The following RPRD2 variants were observed in gnomAD, a reference collection of about 807,000 sequenced individuals.
RPRD2 encodes the protein regulation of nuclear pre-mRNA domain containing 2.
In RPRD2, 12 loss-of-function variants were observed where a neutral mutation model predicts 104.4. The ratio of observed to expected loss-of-function variants is 0.11; its 90% confidence interval spans 0.07 to 0.19. The LOEUF (loss-of-function observed/expected upper bound fraction) is 0.19. Among genes scored for constraint, RPRD2 ranks in the 10% least tolerant of loss-of-function variants. RPRD2 has a pLI of 1.00. For missense variants in RPRD2, 1,543 were observed against 1,790.1 expected, an observed-to-expected ratio of 0.86 and a Z score of 2.49; for synonymous variants, 714 against 684.9, an observed-to-expected ratio of 1.04 and a Z score of -0.66.
intron 1 of RPRD2, among the ~76,000 whole-genome samples, chr1:150,393,092 A>G (rs1227421413): frequency 1.3e-5 from 2 of 152,148 alleles, no homozygotes; most frequent in African/African-American, 2.4e-5. Context: ...GAAAAGTTAA[A>G]AGGCAGTTAC....
intron 7 of RPRD2, among the ~76,000 whole-genome samples, chr1:150,451,674 CAAA>C (rs35644538): frequency 7.5e-5 from 8 of 106,892 alleles, no homozygotes; most frequent in Admixed American, 1.0e-4. Context: ...GACTCCGTCT[CAAA>C]AAAAAAAAAA....
chr1:150,455,890 T>C (rs1553897469), intron 7 of RPRD2, among the ~76,000 whole-genome samples: 1 of 152,186 alleles, frequency 6.6e-6, no homozygotes, highest in Non-Finnish European at 1.5e-5. Flanking sequence ...CACTGCTCAC[T>C]GCAGCCCTGA....
At chr1:150,374,955 C>T (rs1261972325) in intron 1 of RPRD2, among the ~76,000 whole-genome samples, 3 of 150,162 alleles carry the variant, frequency 2.0e-5, no homozygotes, top group Non-Finnish European at 4.4e-5. Context: ...AGCAGGAGCT[C>T]TGTTATAATT....
At chr1:150,428,478 AATCT>A (rs1553890987) in intron 2 of RPRD2, among the ~76,000 whole-genome samples, 3 of 144,360 alleles carry the variant, frequency 2.1e-5, no homozygotes, top group Admixed American at 6.9e-5. Context: ...AAAAAAAAAA[AATCT>A]ATCCTCATTC....
intron 2 of RPRD2, among the ~76,000 whole-genome samples, chr1:150,429,089 G>C (rs1665372889): frequency 6.8e-6 from 1 of 147,986 alleles, no homozygotes; most frequent in Non-Finnish European, 1.5e-5. Flanking sequence ...ATTGTGGTCA[G>C]TAGTGGCTTT....
chr1:150,467,885 G>T (rs2102435334), intron 10 of RPRD2, among the ~76,000 whole-genome samples: 1 of 152,194 alleles, frequency 6.6e-6, no homozygotes, highest in African/African-American at 2.4e-5. Flanking sequence ...GAGACTTCAG[G>T]CCCGGTGTGG....
chr1:150,413,376 G>A (rs775758778), intron 1 of RPRD2, among the ~76,000 whole-genome samples: 1 of 152,156 alleles, frequency 6.6e-6, no homozygotes, highest in Non-Finnish European at 1.5e-5. Flanking sequence ...CGAGGCAGGC[G>A]GATCACCTGA....
intron 1 of RPRD2, among the ~76,000 whole-genome samples, chr1:150,384,639 T>TTGTGTGTGTGTGTG (rs71086504): frequency 2.2e-5 from 3 of 133,352 alleles, no homozygotes; most frequent in African/African-American, 8.5e-5. Flanking sequence ...CCTGGCTAAT[T>TTGTGTGTGTGTGTG]TGTGTGTGTG....
chr1:150,401,167 A>G (rs1159940277), intron 1 of RPRD2, among the ~76,000 whole-genome samples: 2 of 151,780 alleles, frequency 1.3e-5, no homozygotes, highest in African/African-American at 4.8e-5. Flanking sequence ...ACAGAGCGAG[A>G]CATCATCTCA....
intron 2 of RPRD2, among the ~76,000 whole-genome samples, chr1:150,419,266 A>G (rs1480528542): frequency 2.0e-5 from 3 of 152,200 alleles, no homozygotes; most frequent in African/African-American, 7.2e-5. Context: ...AAACACTTAT[A>G]TGGAACAACC....
intron 1 of RPRD2, among the ~76,000 whole-genome samples, chr1:150,374,853 G>A (rs1308618133): frequency 6.6e-6 from 1 of 152,156 alleles, no homozygotes; most frequent in African/African-American, 2.4e-5. Flanking sequence ...GGTAAACTTT[G>A]TCTCAGCCCC....
chr1:150,462,286 AAAG>A (rs1323792334), intron 9 of RPRD2, among the ~76,000 whole-genome samples: 1 of 151,970 alleles, frequency 6.6e-6, no homozygotes, highest in Non-Finnish European at 1.5e-5. Flanking sequence ...CGTCTCAAAA[AAAG>A]AAAAAATTCG....
intron 1 of RPRD2, among the ~76,000 whole-genome samples, chr1:150,386,983 G>T (rs1313430746): frequency 4.6e-5 from 7 of 152,164 alleles, no homozygotes; most frequent in Non-Finnish European, 1.0e-4. Flanking sequence ...AGTTTTGATA[G>T]ATGTTAACTT....
rs1668652733 is a variant in RPRD2 at position 150,472,467 on chromosome 1, A to G, written c.3519A>G (p.Gln1173=). The G allele has an allele frequency of 6.2e-7, 1 of 1,613,922 alleles. No homozygotes were observed. Among genetic ancestry groups the G allele is most frequent in the East Asian group, 2.2e-5 (1 of 44,856 alleles). Residue 1173 remains glutamine (Q), a synonymous_variant, in exon 11 of 11, where the codon CAA becomes CAG. Transcript: ENST00000369068. The part of the protein sequence containing the change: ...KTAPYKERAP[Q]FQESVGSFRS... ...CACCATACAAGGAACGGGCACCTCA[A>G]TTTCAGGAGAGTGTCGGCAGCTTTC...
At chr1:150,387,350 G>T (rs1002063073) in intron 1 of RPRD2, among the ~76,000 whole-genome samples, 1 of 152,006 alleles carries the variant, frequency 6.6e-6, no homozygotes, top group Non-Finnish European at 1.5e-5. Context: ...GAGTTTCAAG[G>T]TTAGTGCAAA....
chr1:150,367,392 A>G (rs1659918755), intron 1 of RPRD2, among the ~76,000 whole-genome samples: 1 of 93,516 alleles, frequency 1.1e-5, no homozygotes. Context: ...TTTAGGAAAA[A>G]TTGTGAAGCA....
chr1:150,365,461 G>A (rs1553877023), intron 1 of RPRD2, among the ~76,000 whole-genome samples: 1 of 152,198 alleles, frequency 6.6e-6, no homozygotes, highest in African/African-American at 2.4e-5. Context: ...ATAGATCTGA[G>A]GCACCACCGG....
intron 1 of RPRD2, among the ~76,000 whole-genome samples, chr1:150,387,427 A>G (rs1254196589): frequency 6.6e-6 from 1 of 152,056 alleles, no homozygotes; most frequent in Non-Finnish European, 1.5e-5. Context: ...AAGAGAAGAG[A>G]AAGTTTGCCA....
chr1:150,472,758 A>C lies in RPRD2; in HGVS notation c.3810A>C (p.Pro1270=), dbSNP rs1570810742. Reference sequence around the variant, plus strand: ...ACAGTGGAATTCCTTTCCCTACCCCACCTCCTCCTCCCCCTCCTGGGGAAC... The same window carrying C: ...ACAGTGGAATTCCTTTCCCTACCCCCCCTCCTCCTCCCCCTCCTGGGGAAC... The part of the protein sequence containing the change: ...GEHSGIPFPT[P]PPPPPPGEHS... The change falls in exon 11 of 11, where the codon CCA becomes CCC. Residue 1270 remains proline, a synonymous_variant. Transcript: ENST00000369068. 3 of 1,603,630 alleles carry C rather than the reference A, an allele frequency of 1.9e-6. No homozygotes were observed. The highest frequency in any genetic ancestry group is 4.5e-5 in the East Asian group (2 of 44,676).
Sources: allele counts gnomAD v4.1 joint callset (sites outside exome capture counted in the v4.1 genomes callset), GRCh38; gene constraint gnomAD v4.1.1; transcripts MANE v1.5; gene names NCBI Gene and HGNC (gene_info 2026-07-23, HGNC 2026-07-21).